Variants in ZC3H15 observed in about 807,000 individuals in gnomAD.
The protein encoded by ZC3H15 is zinc finger CCCH domain-containing protein 15.
Under a neutral mutation model 51.2 loss-of-function variants are expected in ZC3H15, and 15 were observed. The ratio of observed to expected loss-of-function variants is 0.29; its 90% CI spans 0.20 to 0.45. The LOEUF is 0.45. Among genes scored for constraint, ZC3H15 ranks in the 20% least tolerant of loss-of-function variants. The pLI, the probability that ZC3H15 is intolerant of heterozygous loss-of-function variation, is 1.00. For synonymous variants in ZC3H15, 144 were observed against 162.8 expected (o/e 0.88, Z 0.88); for missense variants, 381 against 494.7 (o/e 0.77, Z 2.18).
In ZC3H15 at chr2:186,500,392, T is replaced by G. The variant is rs113476894; in HGVS notation, c.289+99T>G. ...TATTTTCTTTAGATAATGAGACAGT[T>G]ATGTCTGAATGAAAATGTTACTCCA... is the stretch of plus-strand genomic sequence containing the variant. On this transcript the variant is annotated intron_variant, in intron 3 of 9. Transcript: ENST00000337859. 41 of 1,016,196 alleles carry G rather than the reference T, an allele frequency of 4.0e-5. No homozygotes were observed. The African/African-American group carries it at 4.7e-4, about 12-fold the overall frequency. The allele number at this position is 1,016,196 out of a possible 1,614,324, so 62.9% of individuals were successfully genotyped here. A position where few individuals can be genotyped will look rare whatever the true frequency, so the allele number is the denominator to read the frequency against.
intron 3 of ZC3H15, chr2:186,500,657 T>C: frequency 2.1e-6 from 1 of 470,478 alleles, no homozygotes; most frequent in Non-Finnish European, 4.2e-6. Context: ...ATTTCTTTTT[T>C]GCCTTTTTTT....
chr2:186,495,883 T>A (rs542138335), intron 2 of ZC3H15, among the ~76,000 whole-genome samples: 11 of 152,356 alleles, frequency 7.2e-5, no homozygotes, highest in African/African-American at 2.6e-4. Flanking sequence ...ATTGTTACAT[T>A]GTTTCCCTCG....
intron 1 of ZC3H15, among the ~76,000 whole-genome samples, chr2:186,493,176 TGA>T (rs1685226679): frequency 6.6e-6 from 1 of 151,284 alleles, no homozygotes; most frequent in Non-Finnish European, 1.5e-5. Context: ...GGCAAGAGGC[TGA>T]AAACTAGAAG....
Position 186,506,823 on chromosome 2 carries a change from T to C in ZC3H15, c.1077T>C (p.Thr359=), listed in dbSNP as rs1166678382. 1 of 1,611,428 alleles carries C rather than the reference T, an allele frequency of 6.2e-7. No homozygotes were observed. Among genetic ancestry groups the C allele is most frequent in the East Asian group, 2.2e-5 (1 of 44,844 alleles). ...GTCTTGAAAGATTCAGCACATATAC[T>C]TCAGATAAAGATGGTAAGTATGCTA... is the stretch of plus-strand genomic sequence containing the variant. The part of the protein sequence containing the change: ...VASLERFSTY[T]SDKDENKLSE... Residue 359 remains threonine (T), a synonymous_variant, in exon 9 of 10, where the codon ACT becomes ACC. Transcript: ENST00000337859.
At chr2:186,496,382 T>G (rs1195504091) in intron 2 of ZC3H15, among the ~76,000 whole-genome samples, 4 of 152,198 alleles carry the variant, frequency 2.6e-5, no homozygotes, top group Non-Finnish European at 5.9e-5. Context: ...CACACCTAGC[T>G]AATTTTTGTA....
At chr2:186,498,560 A>G (rs1302949713) in intron 2 of ZC3H15, among the ~76,000 whole-genome samples, 1 of 152,146 alleles carries the variant, frequency 6.6e-6, no homozygotes, top group Non-Finnish European at 1.5e-5. Flanking sequence ...TTCTTTCAAA[A>G]CATTTTTTGT....
intron 2 of ZC3H15, among the ~76,000 whole-genome samples, chr2:186,498,897 G>A (rs1431703285): frequency 6.6e-6 from 1 of 152,108 alleles, no homozygotes; most frequent in African/African-American, 2.4e-5. Flanking sequence ...GACCCTCTCT[G>A]ATTTCAGTGG....
Position 186,508,898 on chromosome 2 carries a change from G to C in ZC3H15, c.*165G>C. 1 of 709,210 alleles carries C rather than the reference G, an allele frequency of 1.4e-6. No homozygotes were observed. The highest frequency in any genetic ancestry group is 1.8e-5 in the South Asian group (1 of 55,806). 43.9% of individuals were successfully genotyped at this position (709,210 alleles called of 1,614,324 possible). ...ATCTTGTCCCTACATCTTCTCTTCT[G>C]ACTTTGGCTACATCTCATAGTAAGT... On this transcript the variant is annotated 3_prime_UTR_variant, in exon 10 of 10. Transcript: ENST00000337859.
At chr2:186,507,039 TAGA>T (rs2105595047) in intron 9 of ZC3H15, among the ~76,000 whole-genome samples, 1 of 152,132 alleles carries the variant, frequency 6.6e-6, no homozygotes, top group East Asian at 1.9e-4. Context: ...TAATGGAAAC[TAGA>T]AGGAGACAAA....
At chr2:186,493,542 G>A (rs1685232468) in intron 1 of ZC3H15, among the ~76,000 whole-genome samples, 1 of 152,202 alleles carries the variant, frequency 6.6e-6, no homozygotes, top group East Asian at 1.9e-4. Flanking sequence ...TTCACCTTAG[G>A]GAGAAGCTCA....
chr2:186,508,282 G>A (rs1480001645), intron 9 of ZC3H15, among the ~76,000 whole-genome samples: 1 of 152,206 alleles, frequency 6.6e-6, no homozygotes, highest in Non-Finnish European at 1.5e-5. Context: ...AGGTGTAGAA[G>A]ATTGATCCTG....
chr2:186,497,154 C>T (rs1685296018), intron 2 of ZC3H15: 1 of 438,618 alleles, frequency 2.3e-6, no homozygotes, highest in Admixed American at 2.6e-5. Context: ...CCATTTTTAT[C>T]TCCTTTTCAT....
Position 186,486,476 on chromosome 2 carries a change from C to G in ZC3H15, c.75+19C>G. On this transcript the variant is annotated intron_variant, in intron 1 of 9. Transcript: ENST00000337859. ...TATCGAAGTGAGTACCCACCCCTCC[C>G]CCACTCACGCCGCGAGCCCTCCGGA... The G allele has an allele frequency of 6.5e-7, 1 of 1,534,284 alleles. No individual in the cohort carries two copies. Among genetic ancestry groups the G allele is most frequent in the South Asian group, 1.2e-5 (1 of 81,884 alleles).
rs768799735 is a variant in ZC3H15 at position 186,500,178 on chromosome 2, A to G, written c.178-4A>G. ...TTTACATTTTAAACCTGGGAATATT[A>G]TAGGTAGCACAGAGTGAAGCTGAAA... On this transcript the variant is annotated splice_polypyrimidine_tract_variant and splice_region_variant and intron_variant, in intron 2 of 9. Coordinates refer to ENST00000337859, the MANE Select transcript of ZC3H15 (RefSeq NM_018471.3). The G allele has an allele frequency of 2.0e-5, 32 of 1,594,138 alleles. No individual in the cohort carries two copies. The highest frequency in any genetic ancestry group is 2.6e-5 in the Non-Finnish European group (31 of 1,174,986).
chr2:186,488,572 GTCTC>G (rs1378672274), intron 1 of ZC3H15: 2 of 152,186 alleles, frequency 1.3e-5, no homozygotes, highest in Admixed American at 1.3e-4. Flanking sequence ...TGTGTTTAGT[GTCTC>G]TCTCTACTTG....
chr2:186,503,521 C>T (rs535034104), intron 5 of ZC3H15, among the ~76,000 whole-genome samples: 100 of 152,214 alleles, frequency 6.6e-4, no homozygotes, highest in African/African-American at 2.4e-3. Flanking sequence ...GGGTTACAGG[C>T]ATGTGCCACC....
Position 186,509,014 on chromosome 2 carries a change from G to C in ZC3H15, c.*281G>C, listed in dbSNP as rs1381662544. 1 of 534,262 alleles carries C rather than the reference G, an allele frequency of 1.9e-6. No individual in the cohort carries two copies. The highest frequency in any genetic ancestry group is 3.6e-6 in the Non-Finnish European group (1 of 279,052). 33.1% of individuals were successfully genotyped at this position (534,262 alleles called of 1,614,324 possible). A position where few individuals can be genotyped will look rare whatever the true frequency, so the allele number is the denominator to read the frequency against. On this transcript the variant is annotated 3_prime_UTR_variant, in exon 10 of 10. Transcript: ENST00000337859. ...GTCCACCCAAGTAAGAAGTGTATCT[G>C]CCTTTCCATCTTTTGGTTTTCATTT...
rs569778984 is a variant in ZC3H15 at position 186,486,574 on chromosome 2, C to T, written c.75+117C>T. 8.3e-6 allele frequency: 9 copies of T among 1,082,328 alleles called. No homozygotes were observed. In the East Asian group the frequency reaches 8.8e-5, roughly 11 times the overall value. The allele number at this position is 1,082,328 out of a possible 1,614,324, so 67.0% of individuals were successfully genotyped here. ...CGGGCCACGTGTTCCTCCCTTAGGC[C>T]TGTGTGGCCCACTGCCCCTTCTCCA... On this transcript the variant is annotated intron_variant, in intron 1 of 9. Coordinates refer to ENST00000337859, the MANE Select transcript of ZC3H15 (RefSeq NM_018471.3).
intron 3 of ZC3H15, 130 bp from the exon 4 acceptor site, chr2:186,501,143 A>G (rs746459580): frequency 4.6e-6 from 4 of 874,314 alleles, no homozygotes; most frequent in Non-Finnish European, 3.3e-6. Context: ...CTAATCACCC[A>G]TAAGTGCCGT....
Sources: allele counts gnomAD v4.1 joint callset (sites outside exome capture counted in the v4.1 genomes callset), GRCh38; gene constraint gnomAD v4.1.1; transcripts MANE v1.5; gene names NCBI Gene and HGNC (gene_info 2026-07-23, HGNC 2026-07-21).